MYO18B: variants seen among roughly 807,000 people sequenced by gnomAD.
MYO18B encodes the protein unconventional myosin-XVIIIb.
In MYO18B, 204 loss-of-function variants were observed where a neutral mutation model predicts 273.0. The observed-to-expected ratio is 0.75, with a 90% confidence interval of 0.67 to 0.84. MYO18B has a LOEUF of 0.84. Among genes scored for constraint, MYO18B ranks in the 40% least tolerant of loss-of-function variants. The pLI is 0.00. For missense variants in MYO18B, 3,212 were observed against 3,287.6 expected (o/e 0.98, Z 0.56); for synonymous variants, 1,330 against 1,305.7 (o/e 1.02, Z -0.40).
chr22:25,783,322 C>T (rs1356155597), intron 10 of MYO18B, among the ~76,000 whole-genome samples: 1 of 152,232 alleles, frequency 6.6e-6, no homozygotes, highest in Non-Finnish European at 1.5e-5. Flanking sequence ...CTAGTGCCAA[C>T]CCCGTAGGCA....
At chr22:25,920,652 T>C (rs1242385516) in intron 33 of MYO18B, among the ~76,000 whole-genome samples, 2 of 152,216 alleles carry the variant, frequency 1.3e-5, no homozygotes, top group African/African-American at 4.8e-5. Context: ...CAGAAAGGAT[T>C]GACTTCAAAA....
At chr22:25,845,108 G>A (rs2090195271) in intron 18 of MYO18B, among the ~76,000 whole-genome samples, 1 of 152,214 alleles carries the variant, frequency 6.6e-6, no homozygotes, top group Admixed American at 6.5e-5. Context: ...TCCCATGTCT[G>A]ATCTAAGAAG....
the MYO18B span, among the ~76,000 whole-genome samples, chr22:26,052,826 G>A: frequency 8.4e-4 from 125 of 148,482 alleles, no homozygotes; most frequent in Middle Eastern, 0.01. Context: ...TTTTTGAGAC[G>A]GAGTTTCGCT....
intron 34 of MYO18B, among the ~76,000 whole-genome samples, chr22:25,923,414 C>T (rs983553923): frequency 3.9e-5 from 6 of 152,206 alleles, no homozygotes; most frequent in African/African-American, 7.2e-5. Context: ...TGTGCTTGAA[C>T]GCATTGCCCT....
chr22:25,806,532 A>C (rs760626451), intron 12 of MYO18B, among the ~76,000 whole-genome samples: 5 of 152,170 alleles, frequency 3.3e-5, no homozygotes, highest in Non-Finnish European at 7.4e-5. Context: ...TGGGGAAGGC[A>C]GCGGGAGGGG....
At chr22:25,817,267 T>C (rs545900324) in intron 12 of MYO18B, among the ~76,000 whole-genome samples, 82 of 152,092 alleles carry the variant, frequency 5.4e-4, no homozygotes, top group African/African-American at 1.9e-3. Flanking sequence ...CTTTTTCTTT[T>C]TCTTCTCTTT....
chr22:25,996,632 T>C (rs959823874), intron 40 of MYO18B, among the ~76,000 whole-genome samples: 25 of 151,960 alleles, frequency 1.6e-4, no homozygotes, highest in African/African-American at 5.8e-4. Flanking sequence ...AACACGAGAA[T>C]ACAATTGGAG....
chr22:25,761,229 G>A, intron 2 of MYO18B, 98 bp downstream of exon 2: 1 of 1,333,046 alleles, frequency 7.5e-7, no homozygotes, highest in Non-Finnish European at 1.1e-6. Flanking sequence ...TGGGGAGTCT[G>A]ACATCCAGCC....
chr22:25,831,245 C>A (rs1361075644), intron 15 of MYO18B, among the ~76,000 whole-genome samples: 1 of 152,178 alleles, frequency 6.6e-6, no homozygotes, highest in Admixed American at 6.5e-5. Flanking sequence ...TCTTAGTAAA[C>A]CTGCTTGCAG....
intron 12 of MYO18B, among the ~76,000 whole-genome samples, chr22:25,820,619 A>G (rs1240530390): frequency 2.0e-5 from 3 of 152,256 alleles, no homozygotes; most frequent in East Asian, 1.9e-4. Flanking sequence ...ATGTACAGTT[A>G]TCAGGGTAAT....
Position 26,027,213 on chromosome 22 carries a change from C to T in MYO18B, c.7239C>T (p.His2413=). The T allele has an allele frequency of 1.9e-6, 3 of 1,613,976 alleles. No individual in the cohort carries two copies. The highest frequency in any genetic ancestry group is 1.1e-5 in the South Asian group (1 of 91,090). The change falls in exon 43 of 44, where the codon CAC becomes CAT. Residue 2413 remains histidine (H), a synonymous_variant. Transcript: ENST00000335473. This position sits in a 1 kb window ranked among gnomAD's most constrained non-coding sequence, Gnocchi z 4.1. Reference sequence around the variant, plus strand: ...TTTTCCAGAACCGCCAGTTTGCCCACCTGATGGAGGAACCTCTAGGCAGTG... The same window carrying T: ...TTTTCCAGAACCGCCAGTTTGCCCATCTGATGGAGGAACCTCTAGGCAGTG... ...PLVFQNRQFA[H]LMEEPLGSDP...
intron 34 of MYO18B, among the ~76,000 whole-genome samples, chr22:25,930,273 C>G (rs975191403): frequency 7.2e-5 from 11 of 152,148 alleles, no homozygotes; most frequent in Non-Finnish European, 1.5e-4. Flanking sequence ...ACTTGTCACT[C>G]CCTGTAATTA....
At chr22:25,859,345 G>T (rs950603546) in intron 21 of MYO18B, among the ~76,000 whole-genome samples, 1 of 152,118 alleles carries the variant, frequency 6.6e-6, no homozygotes, top group Non-Finnish European at 1.5e-5. Context: ...ATCAGTCTTT[G>T]CACAGAAACA....
intron 37 of MYO18B, among the ~76,000 whole-genome samples, chr22:25,950,704 T>G (rs996051589): frequency 2.0e-5 from 3 of 152,112 alleles, no homozygotes; most frequent in African/African-American, 7.2e-5. Flanking sequence ...CCCAAGTAGC[T>G]GGGATTACAG....
intron 39 of MYO18B, among the ~76,000 whole-genome samples, chr22:25,965,361 G>A (rs1894677): frequency 0.12 from 18,595 of 152,180 alleles, 1,790 homozygotes; most frequent in Admixed American, 0.24. Flanking sequence ...GAAGGAAAAA[G>A]CCCATTGATG....
Position 26,003,261 on chromosome 22 carries a change from C to A in MYO18B, c.6288-4C>A. On this transcript the variant is annotated splice_region_variant and splice_polypyrimidine_tract_variant and intron_variant, in intron 40 of 43. Transcript: ENST00000335473. ...AACACACTCTTTCTTGTGCCTCTTA[C>A]TAGTGTCCAGACGGCAGTGGATTGT... The A allele has an allele frequency of 2.5e-6, 4 of 1,608,180 alleles. No homozygotes were observed. Among genetic ancestry groups the A allele is most frequent in the Non-Finnish European group, 3.4e-6 (4 of 1,177,334 alleles).
At chr22:25,828,222 G>A (rs1435256750) in intron 14 of MYO18B, among the ~76,000 whole-genome samples, 3 of 151,946 alleles carry the variant, frequency 2.0e-5, no homozygotes, top group Non-Finnish European at 4.4e-5. Context: ...AGAGAGGTTG[G>A]GCAACTCTCC....
At chr22:25,824,583 G>A (rs182817317) in intron 13 of MYO18B, among the ~76,000 whole-genome samples, 46 of 152,258 alleles carry the variant, frequency 3.0e-4, no homozygotes, top group African/African-American at 1.0e-3. Flanking sequence ...GGGTTAATGA[G>A]TAGGAGTGTT....
intron 11 of MYO18B, among the ~76,000 whole-genome samples, chr22:25,786,997 T>C (rs1002886886): frequency 1.4e-4 from 21 of 152,144 alleles, no homozygotes; most frequent in Admixed American, 1.4e-3. Context: ...GCAGATCACC[T>C]GAGGTGAGGA....
Sources: allele counts gnomAD v4.1 joint callset (sites outside exome capture counted in the v4.1 genomes callset), GRCh38; gene constraint gnomAD v4.1.1; non-coding constraint Gnocchi (gnomAD v3.1); transcripts MANE v1.5; gene names NCBI Gene and HGNC (gene_info 2026-07-23, HGNC 2026-07-21).